The following BABAM2 variants were observed in gnomAD, a reference collection of about 807,000 sequenced individuals.
The protein encoded by BABAM2 is BRISC and BRCA1 A complex member 2, also known as BRISC and BRCA1-A complex member 2.
A neutral mutation model predicts 54.7 loss-of-function variants in BABAM2; 31 were observed. The ratio of observed to expected loss-of-function variants is 0.57; its 90% CI spans 0.43 to 0.77. BABAM2 has a LOEUF of 0.77. BABAM2 is among the 30% of genes least tolerant of loss of function. BABAM2 has a pLI of 0.00. For missense variants in BABAM2, 364 were observed against 455.8 expected (o/e 0.80, Z 1.83); for synonymous variants, 167 against 162.9 (o/e 1.03, Z -0.19).
chr2:28,231,077 T>G (rs1184120679), intron 7 of BABAM2, among the ~76,000 whole-genome samples: 1 of 152,216 alleles, frequency 6.6e-6, no homozygotes, highest in Non-Finnish European at 1.5e-5. Flanking sequence ...TACAACTTAC[T>G]TGCTGGGTTA....
rs549861551 is a variant in BABAM2 at position 28,337,986 on chromosome 2, C to T, written c.1089-464C>T. ...TGGCTCACAGAGTGAGGTCCTGTCT[C>T]TAAAAAAATCAAATGTGTTAAAAAA... On this transcript the variant is annotated intron_variant, in intron 11 of 11. Coordinates refer to ENST00000379624, the MANE Select transcript of BABAM2 (RefSeq NM_199191.3). Among the ~76,000 whole-genome samples, 17 of 152,250 alleles carry T rather than the reference C, an allele frequency of 1.1e-4. No individual in the cohort carries two copies. The South Asian group carries it at 3.5e-3, about 32-fold the overall frequency.
chr2:28,042,343 G>A (rs1677166583), intron 5 of BABAM2, among the ~76,000 whole-genome samples: 1 of 152,152 alleles, frequency 6.6e-6, no homozygotes, highest in African/African-American at 2.4e-5. Context: ...GATCATCTGG[G>A]CATGTAAATA....
chr2:27,960,827 A>G (rs1670414442), intron 3 of BABAM2, among the ~76,000 whole-genome samples: 1 of 152,224 alleles, frequency 6.6e-6, no homozygotes, highest in South Asian at 2.1e-4. Flanking sequence ...ATGTTAGGAA[A>G]TAAATATCAT....
At chr2:28,093,022 A>G (rs1029463223) in intron 6 of BABAM2, among the ~76,000 whole-genome samples, 3 of 152,134 alleles carry the variant, frequency 2.0e-5, no homozygotes, top group African/African-American at 7.2e-5. Context: ...CTTTTTAGGA[A>G]CTTACATTTT....
intron 7 of BABAM2, among the ~76,000 whole-genome samples, chr2:28,178,614 A>T (rs1675274776): frequency 6.6e-6 from 1 of 152,026 alleles, no homozygotes; most frequent in African/African-American, 2.4e-5. Flanking sequence ...GAACAAACCA[A>T]ACCAAAATTA....
At chr2:28,080,704 C>A (rs1328926660) in intron 6 of BABAM2, among the ~76,000 whole-genome samples, 1 of 152,202 alleles carries the variant, frequency 6.6e-6, no homozygotes, top group Non-Finnish European at 1.5e-5. Context: ...GCTTTTAAAA[C>A]CACTTACAAT....
intron 3 of BABAM2, among the ~76,000 whole-genome samples, chr2:27,957,842 T>C (rs1670197364): frequency 6.6e-6 from 1 of 152,180 alleles, no homozygotes. Flanking sequence ...GGCTGGGTCA[T>C]AAAAGGCAAT....
At chr2:27,939,241 G>A (rs1475554663) in intron 3 of BABAM2, among the ~76,000 whole-genome samples, 2 of 152,160 alleles carry the variant, frequency 1.3e-5, no homozygotes, top group South Asian at 4.1e-4. Context: ...ATGAGCCACC[G>A]CGCTTGGCCA....
chr2:28,240,889 A>T (rs1388643091), intron 8 of BABAM2, among the ~76,000 whole-genome samples: 3 of 151,934 alleles, frequency 2.0e-5, no homozygotes, highest in Non-Finnish European at 4.4e-5. Context: ...AAAAAAACAA[A>T]AAAAACCCAT....
intron 7 of BABAM2, among the ~76,000 whole-genome samples, chr2:28,191,198 A>G (rs1676870890): frequency 6.6e-6 from 1 of 152,242 alleles, no homozygotes; most frequent in Admixed American, 6.5e-5. Context: ...TAAAGCCACA[A>G]TGAGATTAAT....
At chr2:28,009,457 C>T (rs184430410) in intron 4 of BABAM2, among the ~76,000 whole-genome samples, 15 of 152,060 alleles carry the variant, frequency 9.9e-5, no homozygotes, top group Admixed American at 9.2e-4. Flanking sequence ...AAAAAGAAAC[C>T]TAGTCTGTTT....
intron 10 of BABAM2, among the ~76,000 whole-genome samples, chr2:28,256,025 C>T (rs904145252): frequency 3.9e-5 from 6 of 152,036 alleles, no homozygotes; most frequent in Admixed American, 1.3e-4. Context: ...TGGTGAATTC[C>T]GTGGATCCAT....
At chr2:28,080,635 G>A (rs890861930) in intron 6 of BABAM2, among the ~76,000 whole-genome samples, 7 of 152,174 alleles carry the variant, frequency 4.6e-5, no homozygotes, top group African/African-American at 1.7e-4. Context: ...CTGTGCCTGT[G>A]TTCTGTAGAC....
intron 2 of BABAM2, among the ~76,000 whole-genome samples, chr2:27,895,487 A>G (rs762367873): frequency 1.3e-5 from 2 of 152,186 alleles, no homozygotes; most frequent in Admixed American, 1.3e-4. Context: ...CAAGTGTAGT[A>G]CAGATGTGTT....
At chr2:28,006,488 C>A (rs1673986486) in intron 4 of BABAM2, among the ~76,000 whole-genome samples, 1 of 151,876 alleles carries the variant, frequency 6.6e-6, no homozygotes, top group South Asian at 2.1e-4. Context: ...CAAAATGAGA[C>A]AAATAAGTGT....
chr2:28,159,180 C>T (rs1297142659), intron 7 of BABAM2, among the ~76,000 whole-genome samples: 1 of 152,144 alleles, frequency 6.6e-6, no homozygotes, highest in East Asian at 1.9e-4. Context: ...ATTTGAGTGC[C>T]TATGACATGT....
At chr2:28,107,049 G>C (rs6750906) in intron 6 of BABAM2, among the ~76,000 whole-genome samples, 2 of 152,190 alleles carry the variant, frequency 1.3e-5, no homozygotes, top group African/African-American at 4.8e-5. Context: ...TCCTTAATAT[G>C]TTACTGTAAC....
chr2:28,189,423 G>A (rs990950400), intron 7 of BABAM2, among the ~76,000 whole-genome samples: 8 of 152,072 alleles, frequency 5.3e-5, no homozygotes, highest in Admixed American at 6.5e-5. Flanking sequence ...TATTATAGGC[G>A]GTAAGAGCAA....
chr2:28,210,175 G>A (rs1679312249), intron 7 of BABAM2, among the ~76,000 whole-genome samples: 1 of 152,108 alleles, frequency 6.6e-6, no homozygotes, highest in African/African-American at 2.4e-5. Context: ...GCAAGGGAAG[G>A]CCTGTCCTCC....
Sources: allele counts gnomAD v4.1 joint callset (sites outside exome capture counted in the v4.1 genomes callset), GRCh38; gene constraint gnomAD v4.1.1; transcripts MANE v1.5; gene names NCBI Gene and HGNC (gene_info 2026-07-23, HGNC 2026-07-21).